The following DIP2C variants were observed in gnomAD, a reference collection of about 807,000 sequenced individuals.
The protein encoded by DIP2C is disco-interacting protein 2 homolog C.
DIP2C carries 33 observed loss-of-function variants against 192.4 expected under a neutral mutation model. That is an observed-to-expected ratio of 0.17 (90% confidence interval 0.13 to 0.23). The LOEUF is 0.23. Ranked by LOEUF, DIP2C falls within the 10% of genes least tolerant of loss-of-function variation. The pLI, the probability that DIP2C is intolerant of heterozygous loss-of-function variation, is 1.00. For synonymous variants in DIP2C, 979 were observed against 864.1 expected (o/e 1.13, Z -2.33); for missense variants, 1,537 against 2,110.1 (o/e 0.73, Z 5.32).
chr10:360,374 G>A (rs979572793), intron 22 of DIP2C, among the ~76,000 whole-genome samples: 1 of 152,220 alleles, frequency 6.6e-6, no homozygotes, highest in Non-Finnish European at 1.5e-5. Context: ...CTACAGAGTT[G>A]AGAGGAATCC....
At chr10:656,011 CTG>C in intron 1 of DIP2C, among the ~76,000 whole-genome samples, 1 of 151,552 alleles carries the variant, frequency 6.6e-6, no homozygotes, top group Non-Finnish European at 1.5e-5. Flanking sequence ...TAATGTTACA[CTG>C]TTTCTTCTAT....
Position 394,858 on chromosome 10 carries a change from C to G in DIP2C, c.1261-3995G>C, listed in dbSNP as rs374037810. ...TCTGTGCTGAACCGAAGGACATTAC[C>G]TCACACAGTGGGCGCTATTCAGCCT... On this transcript the variant is annotated intron_variant, in intron 10 of 36. Transcript: ENST00000280886. 1.6e-3 allele frequency among the ~76,000 whole-genome samples: 171 copies of G among 103,690 alleles called. No individual in the cohort carries two copies. The Middle Eastern group carries it at 0.034, about 21-fold the overall frequency. The allele number at this position is 103,690 out of a possible 152,430, so 68.0% of individuals were successfully genotyped here. A position where few individuals can be genotyped will look rare whatever the true frequency, so the allele number is the denominator to read the frequency against.
chr10:538,888 T>A (rs942794643), intron 1 of DIP2C, among the ~76,000 whole-genome samples: 57 of 152,310 alleles, frequency 3.7e-4, no homozygotes, highest in African/African-American at 1.2e-3. Context: ...TGTACATGAC[T>A]ACTAAGAACT....
intron 3 of DIP2C, among the ~76,000 whole-genome samples, chr10:452,945 G>A (rs1047522676): frequency 2.6e-4 from 40 of 152,190 alleles, no homozygotes; most frequent in African/African-American, 9.4e-4. Flanking sequence ...GCCCCAGTGC[G>A]AGGAAGGGGG....
intron 4 of DIP2C, among the ~76,000 whole-genome samples, chr10:432,437 C>G (rs1324714792): frequency 3.3e-5 from 5 of 152,166 alleles, no homozygotes; most frequent in Non-Finnish European, 1.5e-5. Flanking sequence ...AGAAATTGGT[C>G]CATTTCATCC....
At chr10:600,469 T>C (rs11253275) in intron 1 of DIP2C, among the ~76,000 whole-genome samples, 1,408 of 115,438 alleles carry the variant, frequency 0.012, 4 homozygotes, top group East Asian at 0.039. Flanking sequence ...CCGACAGCCC[T>C]TTCCACCTTA....
rs1955919595 is a variant in DIP2C, at chr10:299,528, G to GT, written c.3986+10502dup. ...TTCAAAGTGGATCAATGACATAAATGTAAGAGATAAAACTGTAGACTGTTA... is the reference window on the plus strand; with the variant it reads ...TTCAAAGTGGATCAATGACATAAATGTTAAGAGATAAAACTGTAGACTGTTA... On this transcript the variant is annotated intron_variant, in intron 32 of 36. Coordinates refer to ENST00000280886, the MANE Select transcript of DIP2C (RefSeq NM_014974.3). Among the ~76,000 whole-genome samples, 3 of 152,324 alleles carry GT rather than the reference G, an allele frequency of 2.0e-5. No homozygotes were observed. In the South Asian group the frequency reaches 6.2e-4, roughly 32 times the overall value.
intron 14 of DIP2C, among the ~76,000 whole-genome samples, chr10:385,471 C>G (rs117327849): frequency 6.6e-6 from 1 of 152,240 alleles, no homozygotes; most frequent in Admixed American, 6.5e-5. Flanking sequence ...TTCGTATCCT[C>G]AAAGCCTAAT....
chr10:393,534 T>C lies in DIP2C; in HGVS notation c.1261-2671A>G, dbSNP rs1198374493. On this transcript the variant is annotated intron_variant, in intron 10 of 36. Transcript: ENST00000280886. ...GGCTCAGGCCTGTAATCCCAGCACT[T>C]TGGGTGGCCACGGCAGGCAGATCAG... Among the ~76,000 whole-genome samples, 4 of 152,072 alleles carry C rather than the reference T, an allele frequency of 2.6e-5. No individual in the cohort carries two copies. The South Asian group carries it at 8.3e-4, about 32-fold the overall frequency.
chr10:382,676 C>T lies in DIP2C; in HGVS notation c.1962G>A (p.Ser654=), dbSNP rs142691003. The change falls in exon 17 of 37, where the codon TCG becomes TCA. Residue 654 remains serine, a synonymous_variant. Coordinates refer to ENST00000280886, the MANE Select transcript of DIP2C (RefSeq NM_014974.3). ...RQEVICPCAS[S]PEALTVAIRR... ...GGATGGCCACAGTGAGGGCCTCTGG[C>T]GAGCTGGCACAAGGACAGATGACCT... 5.3e-4 allele frequency: 863 copies of T among 1,613,802 alleles called. 3 individuals are homozygous for T. Among genetic ancestry groups the T allele is most frequent in the Middle Eastern group, 1.8e-3 (11 of 6,062 alleles).
intron 1 of DIP2C, among the ~76,000 whole-genome samples, chr10:541,737 CCA>C (rs1425961448): frequency 4.1e-5 from 6 of 147,970 alleles, no homozygotes; most frequent in African/African-American, 1.3e-4. Flanking sequence ...GCATGACCCT[CCA>C]CACTGACCAC....
Position 651,194 on chromosome 10 carries a change from A to G in DIP2C, c.85+38300T>C, listed in dbSNP as rs1159015929. ...GGTCTGGGACCACCGTCCTCCACGC[A>G]TATCTACAGACCCTGTCCTCACCTG... On this transcript the variant is annotated intron_variant, in intron 1 of 36. Transcript: ENST00000280886. This position sits in a 1 kb window ranked among gnomAD's most constrained non-coding sequence, Gnocchi z 4.1. The G allele has an allele frequency of 1.5e-5, 11 of 717,288 alleles. No individual in the cohort carries two copies. The highest frequency in any genetic ancestry group is 1.3e-4 in the East Asian group (5 of 37,292). The allele number at this position is 717,288 out of a possible 1,614,324, so 44.4% of individuals were successfully genotyped here. A position where few individuals can be genotyped will look rare whatever the true frequency, so the allele number is the denominator to read the frequency against.
At chr10:581,239 AAAC>A (rs1029433325) in intron 1 of DIP2C, among the ~76,000 whole-genome samples, 38 of 152,330 alleles carry the variant, frequency 2.5e-4, no homozygotes, top group African/African-American at 4.8e-4. Flanking sequence ...GCTGGGGAAA[AAAC>A]AACAAAAACA....
intron 29 of DIP2C, among the ~76,000 whole-genome samples, chr10:340,178 CAA>C (rs34140870): frequency 2.6e-5 from 3 of 114,132 alleles, no homozygotes; most frequent in Admixed American, 9.2e-5. Flanking sequence ...AAGACTGTCT[CAA>C]AAAAAAAAAA....
rs371710759 is a variant in DIP2C, at chr10:472,523, G to A, written c.184C>T (p.Arg62Cys). The A allele has an allele frequency of 2.1e-5, 34 of 1,614,048 alleles. No individual in the cohort carries two copies. The highest frequency in any genetic ancestry group is 1.0e-4 in the Admixed American group (6 of 60,006). ...PRVDQALPQERRAPVTPSSAS... is the reference protein window; with the variant it reads ...PRVDQALPQECRAPVTPSSAS... ...GAGGAAGGAGTGACAGGAGCCCGGC[G>A]TTCTTGCGGCAAAGCTTGGTCCACC... Residue 62 changes from arginine to cysteine, a missense_variant, in exon 3 of 37, where the codon CGC (arginine) becomes TGC (cysteine). By Grantham distance (180) the Arg-to-Cys change is radical. Transcript: ENST00000280886.
At chr10:366,616 T>G (rs561242708) in intron 18 of DIP2C, among the ~76,000 whole-genome samples, 18 of 152,310 alleles carry the variant, frequency 1.2e-4, no homozygotes, top group African/African-American at 4.3e-4. Flanking sequence ...AATTTCATAG[T>G]TGAAACATCA....
chr10:523,202 C>G (rs181824650), intron 1 of DIP2C, among the ~76,000 whole-genome samples: 3 of 139,780 alleles, frequency 2.1e-5, no homozygotes, highest in Admixed American at 7.3e-5. Flanking sequence ...AGCTCGTTTC[C>G]ACCTGATGCA....
chr10:378,736 TAA>T (rs545461430), intron 17 of DIP2C, among the ~76,000 whole-genome samples: 2,726 of 151,166 alleles, frequency 0.018, 90 homozygotes, highest in African/African-American at 0.063. Context: ...CAGACATGCA[TAA>T]AGACACATGT....
chr10:650,053 G>A, intron 1 of DIP2C: 1 of 704,372 alleles, frequency 1.4e-6, no homozygotes, highest in Non-Finnish European at 2.6e-6. Context: ...TCCTGCATCT[G>A]GGAGCTGCCA....
Sources: allele counts gnomAD v4.1 joint callset (sites outside exome capture counted in the v4.1 genomes callset), GRCh38; gene constraint gnomAD v4.1.1; non-coding constraint Gnocchi (gnomAD v3.1); transcripts MANE v1.5; gene names NCBI Gene and HGNC (gene_info 2026-07-23, HGNC 2026-07-21).